MYO9A: variants seen among roughly 807,000 people sequenced by gnomAD.
MYO9A encodes the protein unconventional myosin-IXa.
Under a neutral mutation model 293.3 loss-of-function variants are expected in MYO9A, and 103 were observed. That is an observed-to-expected ratio of 0.35 (90% CI 0.30 to 0.41). MYO9A has a LOEUF of 0.41. Among genes scored for constraint, MYO9A ranks in the 10% least tolerant of loss-of-function variants. The pLI is 1.00. For missense variants in MYO9A, 2,685 were observed against 3,033.0 expected (o/e 0.89, Z 2.69); for synonymous variants, 1,001 against 1,035.7 (o/e 0.97, Z 0.64).
intron 12 of MYO9A, among the ~76,000 whole-genome samples, chr15:71,975,898 A>AG (rs570427519): frequency 1.4e-3 from 212 of 152,330 alleles, no homozygotes; most frequent in Non-Finnish European, 2.6e-3. Context: ...AACATGTGGG[A>AG]GTTCCTGGAG....
At chr15:71,959,024 A>C (rs1567318608) in intron 14 of MYO9A, 1 of 152,250 alleles carries the variant, frequency 6.6e-6, no homozygotes. Context: ...AGTTTGTCAT[A>C]ATAAACAAGA....
chr15:71,966,558 A>G (rs2147228462), intron 13 of MYO9A, among the ~76,000 whole-genome samples: 1 of 152,128 alleles, frequency 6.6e-6, no homozygotes, highest in East Asian at 1.9e-4. Flanking sequence ...AGGAAATGGT[A>G]CCTCCAAAGC....
rs770632906 is a variant in MYO9A at position 71,898,740 on chromosome 15, T to C, written c.3763A>G (p.Arg1255Gly). ...DLQEDVLVRE[R>G]PRSLEDLHQK... ...TGGAGATCCTCCAAGGATCTGGGTC[T>C]CTCTCTTACAAGCACATCTTCCTGC... is the stretch of plus-strand genomic sequence containing the variant. Residue 1255 changes from arginine (R) to glycine (G), a missense_variant, in exon 25 of 42, where the codon AGA becomes GGA. Physicochemically the swap from Arg to Gly is moderately radical, Grantham distance 125. Coordinates refer to ENST00000356056, the MANE Select transcript of MYO9A (RefSeq NM_006901.4). 1 of 1,613,968 alleles carries C rather than the reference T, an allele frequency of 6.2e-7. No homozygotes were observed. The highest frequency in any genetic ancestry group is 1.3e-5 in the African/African-American group (1 of 74,922).
At chr15:71,915,677 A>G (rs546189861) in intron 19 of MYO9A, among the ~76,000 whole-genome samples, 1 of 152,286 alleles carries the variant, frequency 6.6e-6, no homozygotes, top group African/African-American at 2.4e-5. Flanking sequence ...CCTATCATGA[A>G]TAAGGAAATT....
intron 7 of MYO9A, among the ~76,000 whole-genome samples, chr15:72,008,494 G>A (rs2077082806): frequency 6.7e-6 from 1 of 150,330 alleles, no homozygotes; most frequent in Admixed American, 6.6e-5. Context: ...AAATGGGTGT[G>A]TGTGTGTGTG....
intron 19 of MYO9A, among the ~76,000 whole-genome samples, chr15:71,905,921 T>C (rs1194525292): frequency 6.6e-6 from 1 of 152,064 alleles, no homozygotes; most frequent in Admixed American, 6.6e-5. Context: ...TATATTCTTT[T>C]TATAGTTTAT....
chr15:71,833,622 A>G (rs2054819965), intron 39 of MYO9A, among the ~76,000 whole-genome samples: 1 of 152,184 alleles, frequency 6.6e-6, no homozygotes, highest in African/African-American at 2.4e-5. Context: ...GTATCTAACT[A>G]GAGAATACTC....
chr15:71,892,961 T>C, intron 26 of MYO9A: 1 of 1,251,508 alleles, frequency 8.0e-7, no homozygotes, highest in Non-Finnish European at 1.0e-6. Flanking sequence ...TGCTGTAAAA[T>C]TACCATTTCG....
At chr15:72,071,492 G>A (rs1281959299) in intron 1 of MYO9A, among the ~76,000 whole-genome samples, 3 of 152,198 alleles carry the variant, frequency 2.0e-5, no homozygotes, top group African/African-American at 7.2e-5. Flanking sequence ...TGTAATCCCA[G>A]CACTTTGGCA....
At chr15:71,879,264 G>A (rs1489398724) in intron 30 of MYO9A, among the ~76,000 whole-genome samples, 1 of 152,118 alleles carries the variant, frequency 6.6e-6, no homozygotes, top group African/African-American at 2.4e-5. Context: ...AAAGTATAAG[G>A]TAAATCTCAA....
intron 1 of MYO9A, among the ~76,000 whole-genome samples, chr15:72,067,490 C>T (rs2079056724): frequency 6.6e-6 from 1 of 151,914 alleles, no homozygotes; most frequent in Non-Finnish European, 1.5e-5. Flanking sequence ...ACCATGCTGA[C>T]CAGGCTGGTC....
chr15:71,866,125 CT>C (rs527340908), intron 32 of MYO9A, among the ~76,000 whole-genome samples: 62 of 152,224 alleles, frequency 4.1e-4, no homozygotes, highest in Non-Finnish European at 7.4e-4. Context: ...CCCATGTTTG[CT>C]TTTGTGTCAA....
At chr15:71,866,947 C>T (rs1178497002) in intron 32 of MYO9A, among the ~76,000 whole-genome samples, 2 of 152,050 alleles carry the variant, frequency 1.3e-5, no homozygotes, top group African/African-American at 2.4e-5. Context: ...GTCCCAGCTA[C>T]TCAGGAGGCT....
chr15:72,016,771 G>A (rs529563571), intron 6 of MYO9A, among the ~76,000 whole-genome samples: 3 of 152,152 alleles, frequency 2.0e-5, no homozygotes, highest in Admixed American at 6.6e-5. Flanking sequence ...ATGATTAAGG[G>A]AAGAGGAGAT....
chr15:71,884,133 A>C (rs920376492), intron 27 of MYO9A, among the ~76,000 whole-genome samples: 5 of 152,084 alleles, frequency 3.3e-5, no homozygotes, highest in Admixed American at 2.6e-4. Context: ...TATATACACA[A>C]TTTAACAACA....
chr15:72,011,109 A>C (rs927402332), intron 6 of MYO9A, among the ~76,000 whole-genome samples: 1 of 151,778 alleles, frequency 6.6e-6, no homozygotes, highest in Non-Finnish European at 1.5e-5. Flanking sequence ...TCCCGGGCTC[A>C]GGTGATTCTC....
At chr15:71,973,331 G>A (rs2076059844) in intron 12 of MYO9A, among the ~76,000 whole-genome samples, 1 of 152,118 alleles carries the variant, frequency 6.6e-6, no homozygotes, top group Admixed American at 6.5e-5. Flanking sequence ...TAGTGTGAAG[G>A]AATAGTTCCA....
At chr15:71,877,647 A>AGGTTTTTGACATGTTGACCAGGCTGGT (rs1281428893) in intron 31 of MYO9A, among the ~76,000 whole-genome samples, 2 of 152,110 alleles carry the variant, frequency 1.3e-5, no homozygotes, top group Non-Finnish European at 2.9e-5. Context: ...TAGTAGAGAT[A>AGGTTTTTGACATGTTGACCAGGCTGGT]GGTTTTTGAC....
At position 71,956,350 on chromosome 15, in the gene MYO9A, T is replaced by TATATATATATATAA. The variant is rs1475961500; in HGVS notation, c.2182+3550_2182+3551insTTATATATATATAT. 1.7e-3 allele frequency among the ~76,000 whole-genome samples: 207 copies of TATATATATATATAA among 121,058 alleles called. 4 individuals carry two copies. The highest frequency in any genetic ancestry group is 2.9e-3 in the African/African-American group (86 of 30,138). 79.4% of individuals were successfully genotyped at this position (121,058 alleles called of 152,430 possible). A position where few individuals can be genotyped will look rare whatever the true frequency, so the allele number is the denominator to read the frequency against. On this transcript the variant is annotated intron_variant, in intron 14 of 41. Transcript: ENST00000356056. Reference sequence around the variant, plus strand: ...AAAAAAATATATATATATATATATATAAAATACGCCCAGCGTGGTGGCTCA... The same window carrying TATATATATATATAA: ...AAAAAAATATATATATATATATATATATATATATATATAAAAAATACGCCCAGCGTGGTGGCTCA...
Sources: allele counts gnomAD v4.1 joint callset (sites outside exome capture counted in the v4.1 genomes callset), GRCh38; gene constraint gnomAD v4.1.1; transcripts MANE v1.5; gene names NCBI Gene and HGNC (gene_info 2026-07-23, HGNC 2026-07-21).